RBFOX1: variants seen among roughly 807,000 people sequenced by gnomAD.
RBFOX1 encodes the protein RNA binding fox-1 homolog 1.
RBFOX1 carries 8 observed loss-of-function variants against 57.7 expected under a neutral mutation model. That is an observed-to-expected ratio of 0.14 (90% CI 0.08 to 0.25). RBFOX1 has a LOEUF of 0.25. Ranked by LOEUF, RBFOX1 falls within the 10% of genes least tolerant of loss-of-function variation. The probability of loss-of-function intolerance (pLI) is 1.00; values close to 1 mark genes in which losing one functional copy is unlikely to be tolerated. For synonymous variants in RBFOX1, 326 were observed against 222.4 expected (o/e 1.47, Z -4.15); for missense variants, 611 against 548.5 (o/e 1.11, Z -1.14).
intron 3 of RBFOX1, among the ~76,000 whole-genome samples, chr16:5,833,260 G>C (rs907739052): frequency 9.2e-5 from 14 of 152,254 alleles, no homozygotes; most frequent in African/African-American, 2.9e-4. Context: ...TTGGGAGGCT[G>C]AGGCAGGTGG....
At chr16:7,370,785 G>C (rs1303801427) in intron 4 of RBFOX1, among the ~76,000 whole-genome samples, 1 of 152,210 alleles carries the variant, frequency 6.6e-6, no homozygotes, top group Non-Finnish European at 1.5e-5. Flanking sequence ...ATGCATATTT[G>C]AAACGCATTT....
intron 2 of RBFOX1, among the ~76,000 whole-genome samples, chr16:6,503,300 C>G (rs900540454): frequency 1.3e-5 from 2 of 152,140 alleles, no homozygotes; most frequent in Non-Finnish European, 2.9e-5. Flanking sequence ...CTCTTTTCCA[C>G]TTCTCCAGAC....
chr16:5,301,535 C>T (rs1004833767), intron 1 of RBFOX1, among the ~76,000 whole-genome samples: 14 of 145,194 alleles, frequency 9.6e-5, no homozygotes, highest in Admixed American at 3.7e-4. Context: ...AGGAGAATGG[C>T]GTGAACCCAG....
chr16:5,694,248 C>G (rs766343606), intron 3 of RBFOX1, among the ~76,000 whole-genome samples: 2 of 152,168 alleles, frequency 1.3e-5, no homozygotes, highest in African/African-American at 4.8e-5. Flanking sequence ...ATTTACCAGC[C>G]TCAATTTCCA....
intron 3 of RBFOX1, among the ~76,000 whole-genome samples, chr16:6,866,539 C>CAATTTTTTT (rs2059941032): frequency 2.0e-5 from 1 of 49,090 alleles, no homozygotes; most frequent in African/African-American, 1.2e-4. Flanking sequence ...TTCTTTCCTT[C>CAATTTTTTT]TATTTTTTTT....
At chr16:6,685,273 C>CTTTTTTTTTT in intron 3 of RBFOX1, among the ~76,000 whole-genome samples, 1 of 111,576 alleles carries the variant, frequency 9.0e-6, no homozygotes, top group Non-Finnish European at 1.7e-5. Flanking sequence ...GAGAGTTTTT[C>CTTTTTTTTTT]TTTTTTTTTT....
chr16:7,376,879 G>A (rs577747572), intron 4 of RBFOX1, among the ~76,000 whole-genome samples: 13 of 152,220 alleles, frequency 8.5e-5, no homozygotes, highest in Non-Finnish European at 1.6e-4. Context: ...TTCCCTACCA[G>A]TGTCTGGATT....
chr16:7,671,573 C>T (rs2071446313), intron 13 of RBFOX1: 1 of 1,611,242 alleles, frequency 6.2e-7, no homozygotes, highest in African/African-American at 1.3e-5. Context: ...GTATCAAGAG[C>T]CTGTGTATGG....
intron 3 of RBFOX1, among the ~76,000 whole-genome samples, chr16:7,029,075 TATATATACAC>T (rs1171969832): frequency 1.3e-3 from 58 of 46,014 alleles, no homozygotes; most frequent in Non-Finnish European, 1.5e-3. Context: ...TATATATATA[TATATATACAC>T]ACACACACAC....
intron 2 of RBFOX1, among the ~76,000 whole-genome samples, chr16:6,407,268 G>A (rs1255219209): frequency 6.6e-6 from 1 of 151,624 alleles, no homozygotes; most frequent in Non-Finnish European, 1.5e-5. Flanking sequence ...CTATGGATTT[G>A]CCTATGTCCA....
chr16:6,785,382 A>G (rs1322462622), intron 3 of RBFOX1, among the ~76,000 whole-genome samples: 1 of 152,170 alleles, frequency 6.6e-6, no homozygotes, highest in African/African-American at 2.4e-5. Context: ...TAGGGAGTGG[A>G]GTTATTGTTG....
intron 3 of RBFOX1, among the ~76,000 whole-genome samples, chr16:6,917,221 G>A (rs967497930): frequency 7.2e-5 from 11 of 152,256 alleles, no homozygotes; most frequent in Admixed American, 6.5e-4. Flanking sequence ...GAAAATCTCA[G>A]TGGCCACCTT....
chr16:7,514,603 G>C (rs1358623516), intron 4 of RBFOX1, among the ~76,000 whole-genome samples: 1 of 152,130 alleles, frequency 6.6e-6, no homozygotes, highest in Non-Finnish European at 1.5e-5. Context: ...AAGCCTGCTG[G>C]AGGAGGGACT....
chr16:7,375,749 A>G (rs149121272), intron 4 of RBFOX1, among the ~76,000 whole-genome samples: 1 of 152,074 alleles, frequency 6.6e-6, no homozygotes, highest in African/African-American at 2.4e-5. Flanking sequence ...AAAATGAATG[A>G]TTTTTCTGGG....
Position 5,992,926 on chromosome 16 carries a change from G to A in RBFOX1, c.351+125591G>A, listed in dbSNP as rs150324593. On this transcript the variant is annotated intron_variant, in intron 4 of 19. Coordinates refer to the RBFOX1 transcript ENST00000641259. Reference sequence around the variant, plus strand: ...CACTCCAGCCTGGGTGTCAGAGTAAGACTCTGTCTCAAAAGAAAGAAAAAA... The same window carrying A: ...CACTCCAGCCTGGGTGTCAGAGTAAAACTCTGTCTCAAAAGAAAGAAAAAA... 2.4e-4 allele frequency among the ~76,000 whole-genome samples: 36 copies of A among 152,274 alleles called. No individual in the cohort carries two copies. In the East Asian group the frequency reaches 3.7e-3, roughly 16 times the overall value.
At chr16:7,213,231 G>A (rs1018808127) in intron 4 of RBFOX1, among the ~76,000 whole-genome samples, 1 of 152,070 alleles carries the variant, frequency 6.6e-6, no homozygotes, top group African/African-American at 2.4e-5. Context: ...AAACAATGAG[G>A]CATCAGTTTT....
intron 3 of RBFOX1, among the ~76,000 whole-genome samples, chr16:7,022,267 C>T (rs752365185): frequency 4.6e-4 from 70 of 150,904 alleles, no homozygotes; most frequent in Non-Finnish European, 8.0e-4. Context: ...TGGCCAGGTT[C>T]GTCTTGAACT....
At chr16:7,480,004 C>T (rs1273043430) in intron 4 of RBFOX1, among the ~76,000 whole-genome samples, 3 of 152,134 alleles carry the variant, frequency 2.0e-5, no homozygotes, top group Non-Finnish European at 4.4e-5. Flanking sequence ...GGTGCCAGTT[C>T]CAGCCTGATG....
chr16:6,268,284 G>A (rs2074778827), intron 1 of RBFOX1, among the ~76,000 whole-genome samples: 1 of 152,162 alleles, frequency 6.6e-6, no homozygotes, highest in African/African-American at 2.4e-5. Flanking sequence ...CCTGCTAGCA[G>A]GTATGGAGCA....
Sources: allele counts gnomAD v4.1 joint callset (sites outside exome capture counted in the v4.1 genomes callset), GRCh38; gene constraint gnomAD v4.1.1; transcripts MANE v1.5; gene names NCBI Gene and HGNC (gene_info 2026-07-23, HGNC 2026-07-21).